The following ANO4 variants were observed in gnomAD, a reference collection of about 807,000 sequenced individuals.
ANO4 encodes the protein anoctamin-4.
Under a neutral mutation model 141.9 loss-of-function variants are expected in ANO4, and 69 were observed. The observed-to-expected ratio is 0.49, with a 90% confidence interval of 0.40 to 0.59. The LOEUF (loss-of-function observed/expected upper bound fraction) is 0.59, where lower values mean the gene tolerates loss of function less well. Among genes scored for constraint, ANO4 ranks in the 20% least tolerant of loss-of-function variants. The pLI is 0.00. For synonymous variants in ANO4, 350 were observed against 394.3 expected, an observed-to-expected ratio of 0.89 and a Z score of 1.33; for missense variants, 894 against 1,162.2, an observed-to-expected ratio of 0.77 and a Z score of 3.36.
intron 5 of ANO4, among the ~76,000 whole-genome samples, chr12:100,947,135 A>C (rs1432369418): frequency 1.3e-5 from 2 of 152,200 alleles, no homozygotes; most frequent in Non-Finnish European, 1.5e-5. Flanking sequence ...ATGGAGAGAA[A>C]TAGAATGATA....
At chr12:101,079,350 A>C in intron 15 of ANO4, 75 bp downstream of exon 15, 1 of 1,273,270 alleles carries the variant, frequency 7.9e-7, no homozygotes, top group Non-Finnish European at 1.1e-6. Flanking sequence ...CAAAATTGTC[A>C]CTCTCTGTTC....
intron 5 of ANO4, among the ~76,000 whole-genome samples, chr12:100,963,633 C>A (rs1328192865): frequency 1.3e-5 from 2 of 152,060 alleles, no homozygotes; most frequent in East Asian, 3.9e-4. Context: ...CAAAAAATTT[C>A]TTTTTAGAGA....
chr12:100,857,991 A>G (rs1024209760), intron 1 of ANO4, among the ~76,000 whole-genome samples: 3 of 152,194 alleles, frequency 2.0e-5, no homozygotes, highest in African/African-American at 7.2e-5. Flanking sequence ...GCAGAGATAT[A>G]TGTATGAAAA....
chr12:100,776,493 T>C (rs1489924300), intron 3 of ANO4, among the ~76,000 whole-genome samples: 3 of 152,126 alleles, frequency 2.0e-5, no homozygotes, highest in Admixed American at 2.0e-4. Context: ...TTTCTAGACC[T>C]TTCATTGGGG....
chr12:100,750,990 A>C (rs1210669831), intron 3 of ANO4, among the ~76,000 whole-genome samples: 2 of 152,102 alleles, frequency 1.3e-5, no homozygotes, highest in African/African-American at 2.4e-5. Flanking sequence ...GGAAGATATG[A>C]GCTGTGATGA....
intron 3 of ANO4, among the ~76,000 whole-genome samples, chr12:100,935,376 T>G (rs1319160058): frequency 6.6e-6 from 1 of 152,200 alleles, no homozygotes; most frequent in Non-Finnish European, 1.5e-5. Context: ...TTGATTCTGT[T>G]TATGTGATGG....
rs577911558 is a variant in ANO4, at chr12:100,900,887, C to T, written c.-140-759C>T. 2.4e-4 allele frequency among the ~76,000 whole-genome samples: 36 copies of T among 152,274 alleles called. No individual in the cohort carries two copies. The East Asian group carries it at 6.6e-3, about 28-fold the overall frequency. On this transcript the variant is annotated intron_variant, in intron 1 of 27. Coordinates refer to ENST00000392977, the MANE Select transcript of ANO4 (RefSeq NM_001286615.2). ...AATCTTCTGAGTAACGAATTGGTAT[C>T]TTAGGAACCTCCAATGGTGAACAAT...
Position 100,766,838 on chromosome 12 carries a change from CTCTCTATT to C in ANO4, c.358+26736_358+26743del, listed in dbSNP as rs537992482. On this transcript the variant is annotated intron_variant, in intron 3 of 29. Transcript: ENST00000644049. ...GAAGTCTTCTACTAGTGTTGTGTTT[CTCTCTATT>C]TCACCCTTCATTTCTGTTACTATTG... Among the ~76,000 whole-genome samples the C allele has an allele frequency of 2.1e-3, 317 of 152,006 alleles. 2 individuals are homozygous for C. Among genetic ancestry groups the C allele is most frequent in the African/African-American group, 7.3e-3 (302 of 41,398 alleles).
chr12:101,081,044 T>C (rs1371115849), intron 15 of ANO4, among the ~76,000 whole-genome samples: 1 of 150,640 alleles, frequency 6.6e-6, no homozygotes, highest in Non-Finnish European at 1.5e-5. Context: ...TGTGTGTGTG[T>C]GTGTATACAT....
intron 1 of ANO4, among the ~76,000 whole-genome samples, chr12:100,900,421 T>C (rs954533708): frequency 6.6e-6 from 1 of 152,056 alleles, no homozygotes; most frequent in South Asian, 2.1e-4. Flanking sequence ...GTCATTTACA[T>C]TAGGTATCTC....
chr12:100,942,476 G>A lies in ANO4; in HGVS notation c.397G>A (p.Glu133Lys), dbSNP rs745674469. 9 of 1,614,080 alleles carry A rather than the reference G, an allele frequency of 5.6e-6. No individual in the cohort carries two copies. In the East Asian group the frequency reaches 1.6e-4, roughly 28 times the overall value. ...LVYRKSNPQT[E>K]KREVFERNIR... ...GTACAGAAAATCCAACCCCCAGACT[G>A]AAAAGAGAGAAGTATTTGAAAGAAA... is the stretch of plus-strand genomic sequence containing the variant. The change falls in exon 5 of 28, where the codon GAA (glutamate) becomes AAA (lysine). Residue 133 changes from glutamate (E) to lysine (K), a missense_variant. By Grantham distance (56) the Glu-to-Lys change is moderately conservative. This residue lies in a region of ANO4 where 257 missense variants were observed against 253.0 expected (regional missense o/e 1.02). Coordinates refer to ENST00000392977, the MANE Select transcript of ANO4 (RefSeq NM_001286615.2).
chr12:100,986,394 G>A (rs1211234818), intron 7 of ANO4, among the ~76,000 whole-genome samples: 1 of 152,068 alleles, frequency 6.6e-6, no homozygotes, highest in Non-Finnish European at 1.5e-5. Flanking sequence ...GTCCTATTCA[G>A]GTCCTCAATG....
At chr12:100,952,258 G>A (rs912583892) in intron 5 of ANO4, among the ~76,000 whole-genome samples, 5 of 152,198 alleles carry the variant, frequency 3.3e-5, no homozygotes, top group African/African-American at 1.2e-4. Flanking sequence ...CACTTACTAA[G>A]TGAATAACTG....
chr12:100,731,577 C>T (rs890224533), intron 1 of ANO4, among the ~76,000 whole-genome samples: 6 of 152,284 alleles, frequency 3.9e-5, no homozygotes, highest in African/African-American at 1.4e-4. Context: ...TTAATAATGA[C>T]TTGTATCCAC....
At chr12:101,021,171 C>T (rs985636097) in intron 9 of ANO4, among the ~76,000 whole-genome samples, 3 of 152,140 alleles carry the variant, frequency 2.0e-5, no homozygotes, top group Non-Finnish European at 4.4e-5. Context: ...TAGAAATCTG[C>T]CCTCTGGAGT....
At chr12:100,742,377 A>T (rs1347968667) in intron 3 of ANO4, among the ~76,000 whole-genome samples, 1 of 152,002 alleles carries the variant, frequency 6.6e-6, no homozygotes, top group East Asian at 1.9e-4. Flanking sequence ...AATAAAGTTA[A>T]TTTCATTTTG....
intron 22 of ANO4, among the ~76,000 whole-genome samples, chr12:101,106,571 GTGTA>G (rs1035909633): frequency 1.6e-4 from 18 of 111,090 alleles, no homozygotes; most frequent in Non-Finnish European, 1.9e-4. Context: ...GTGTGTGTGT[GTGTA>G]TATATATATA....
chr12:101,034,354 T>C (rs1227014340), intron 9 of ANO4, among the ~76,000 whole-genome samples: 1 of 152,190 alleles, frequency 6.6e-6, no homozygotes, highest in Non-Finnish European at 1.5e-5. Flanking sequence ...TGTATGAAGC[T>C]GGATACCATC....
At chr12:100,957,562 G>A (rs1344263425) in intron 5 of ANO4, among the ~76,000 whole-genome samples, 1 of 152,168 alleles carries the variant, frequency 6.6e-6, no homozygotes, top group Non-Finnish European at 1.5e-5. Flanking sequence ...TAATAAGCCT[G>A]CTGTTGAATT....
Sources: gnomAD v4.1 joint callset for allele counts (sites outside exome capture counted in the v4.1 genomes callset) on GRCh38, gnomAD v4.1.1 for gene constraint, gnomAD v4.1.1 regional missense constraint, MANE v1.5 for transcripts, NCBI Gene and HGNC (gene_info 2026-07-23, HGNC 2026-07-21) for gene names.